Variants in PDK3 observed in about 807,000 individuals in gnomAD.
The protein encoded by PDK3 is pyruvate dehydrogenase kinase 3, also known as pyruvate dehydrogenase kinase, isozyme 3.
PDK3 carries 12 observed loss-of-function variants against 32.0 expected under a neutral mutation model. The observed-to-expected ratio is 0.37, with a 90% CI of 0.24 to 0.61. The LOEUF is 0.61. Ranked by LOEUF, PDK3 falls within the 20% of genes least tolerant of loss-of-function variation. PDK3 has a pLI of 0.65. For synonymous variants in PDK3, 122 were observed against 116.3 expected (o/e 1.05, Z -0.31); for missense variants, 188 against 316.9 (o/e 0.59, Z 3.09).
At chrX:24,538,173 G>T (rs1306481838), downstream of PDK3, among the ~76,000 whole-genome samples, 2 of 112,030 alleles carry the variant, frequency 1.8e-5, no homozygotes, top group East Asian at 2.8e-4. Context: ...TTTAAACTAA[G>T]GTTTAAACTA....
At chrX:24,498,119 T>A (rs1921761528) in intron 2 of PDK3, among the ~76,000 whole-genome samples, 1 of 112,600 alleles carries the variant, frequency 8.9e-6, no homozygotes, top group Non-Finnish European at 1.9e-5. Flanking sequence ...TCACTTCTAG[T>A]TTCTAAGTTC....
chrX:24,539,040 A>T, downstream of PDK3: 1 of 548,667 alleles, frequency 1.8e-6, no homozygotes, highest in African/African-American at 2.3e-5. Context: ...TTTTTGAATT[A>T]TCACTATAAT....
At chrX:24,503,629 T>C (rs1379245982) in intron 4 of PDK3, 118 bp downstream of exon 4, 1 of 514,825 alleles carries the variant, frequency 1.9e-6, no homozygotes, top group African/African-American at 2.4e-5. Flanking sequence ...TCATTTCTAG[T>C]TCGGTTTTTC....
At chrX:24,527,079 C>T (rs192289187) in intron 7 of PDK3, among the ~76,000 whole-genome samples, 59 of 111,575 alleles carry the variant, frequency 5.3e-4, no homozygotes, top group African/African-American at 1.7e-3. Flanking sequence ...TTCTTTTTAA[C>T]CAATATTTCT....
At position 24,540,889 on chromosome X, in the gene PDK3, C is replaced by CTTTTTTTTTTT. The variant is rs369307335; in HGVS notation, c.*1753_*1763dup. 1.4e-4 allele frequency among the ~76,000 whole-genome samples: 5 copies of CTTTTTTTTTTT among 36,680 alleles called. 1 individual carries two copies. Among genetic ancestry groups the CTTTTTTTTTTT allele is most frequent in the Non-Finnish European group, 2.0e-4 (5 of 24,652 alleles). 31.9% of individuals were successfully genotyped at this position (36,680 alleles called of 115,157 possible). On this transcript the variant is annotated 3_prime_UTR_variant, in exon 12 of 12. Transcript: ENST00000568479. ...CTTTACATGCAAAGACCCTAGCTTC[C>CTTTTTTTTTTT]TTTTTTTTTTTTTTTTTTTTTTTTT...
At chrX:24,518,878 C>G (rs1462961037) in intron 5 of PDK3, 55 bp from the exon 6 acceptor site, 2 of 666,671 alleles carry the variant, frequency 3.0e-6, no homozygotes, top group Non-Finnish European at 4.6e-6. Context: ...CACACACACA[C>G]ACGCTTGTGC....
Position 24,494,675 on chromosome X carries a change from G to T in PDK3, c.107-67G>T, listed in dbSNP as rs779586493. On this transcript the variant is annotated intron_variant, in intron 1 of 10. Transcript: ENST00000379162. ...TCCAACCAGTAGTAACCGTGCTACC[G>T]TGGGAGCACTTTATTTCTCCATCTG... is the stretch of plus-strand genomic sequence containing the variant. 6.2e-6 allele frequency: 5 copies of T among 811,044 alleles called. No individual in the cohort carries two copies. In the African/African-American group the frequency reaches 1.0e-4, roughly 17 times the overall value. The allele number at this position is 811,044 out of a possible 1,213,427, so 66.8% of individuals were successfully genotyped here.
intron 6 of PDK3, among the ~76,000 whole-genome samples, chrX:24,522,266 C>G (rs1468082210): frequency 5.4e-5 from 6 of 111,136 alleles, no homozygotes; most frequent in Non-Finnish European, 7.5e-5. Flanking sequence ...AGTCAGCAAA[C>G]ATCTATTAAG....
At position 24,533,066 on chromosome X, in the gene PDK3, G is replaced by A. The variant is rs191598838; in HGVS notation, c.1078-863G>A. Among the ~76,000 whole-genome samples, 87 of 110,125 alleles carry A rather than the reference G, an allele frequency of 7.9e-4. 1 individual carries two copies. The highest frequency in any genetic ancestry group is 2.7e-3 in the African/African-American group (83 of 30,487). ...AGCACAATGCAAATATTCCAAAATC[G>A]GAAAAAATCAGAACTACTTCTGGTC... On this transcript the variant is annotated intron_variant, in intron 10 of 10. Transcript: ENST00000379162.
chrX:24,473,099 GGTGCAGTGGCTCACGCCT>G (rs1184218200), intron 1 of PDK3, among the ~76,000 whole-genome samples: 3 of 109,346 alleles, frequency 2.7e-5, no homozygotes, highest in Non-Finnish European at 5.7e-5. Context: ...TTATTGGCTG[GGTGCAGTGGCTCACGCCT>G]GTAATCCCAG....
intron 5 of PDK3, among the ~76,000 whole-genome samples, chrX:24,510,106 G>C (rs746330707): frequency 1.1e-4 from 12 of 112,005 alleles, no homozygotes; most frequent in African/African-American, 3.9e-4. Flanking sequence ...TTATACCCAG[G>C]TTGCTTCACA....
At chrX:24,509,531 C>T (rs746803565) in intron 5 of PDK3, among the ~76,000 whole-genome samples, 3 of 110,619 alleles carry the variant, frequency 2.7e-5, no homozygotes, top group Admixed American at 9.7e-5. Context: ...CACGCATGGA[C>T]ATGTACACAC....
intron 1 of PDK3, among the ~76,000 whole-genome samples, chrX:24,482,687 T>C (rs1344794170): frequency 8.9e-6 from 1 of 112,410 alleles, no homozygotes; most frequent in African/African-American, 3.2e-5. Flanking sequence ...GATTGATACC[T>C]ACTCCACTTA....
chrX:24,466,739 T>C (rs1940068545), intron 1 of PDK3, among the ~76,000 whole-genome samples: 1 of 111,776 alleles, frequency 8.9e-6, no homozygotes, highest in Non-Finnish European at 1.9e-5. Context: ...AAGTCAAAGT[T>C]CAATGACACG....
chrX:24,517,458 A>G (rs1922284023), intron 5 of PDK3, among the ~76,000 whole-genome samples: 1 of 111,834 alleles, frequency 8.9e-6, no homozygotes, highest in South Asian at 3.7e-4. Context: ...CCTGGCCTCA[A>G]GTGATCAGCC....
rs1211281591 is a variant in PDK3 at position 24,465,487 on chromosome X, C to T, written c.32C>T (p.Pro11Leu). Reference protein sequence around the residue: MRLFRWLLKQPVPKQIERYSR... With the variant: MRLFRWLLKQLVPKQIERYSR... ...CTGTTCCGGTGGCTGCTGAAGCAGC[C>T]GGTGCCCAAGCAGATCGAGCGCTAC... Residue 11 changes from proline to leucine, a missense_variant, in exon 1 of 11, where the codon CCG becomes CTG. Transcript: ENST00000379162. 3 of 1,209,222 alleles carry T rather than the reference C, an allele frequency of 2.5e-6. No homozygotes were observed. Among genetic ancestry groups the T allele is most frequent in the Non-Finnish European group, 3.4e-6 (3 of 893,653 alleles).
At chrX:24,525,164 A>T (rs1157058322) in intron 6 of PDK3, among the ~76,000 whole-genome samples, 1 of 111,279 alleles carries the variant, frequency 9.0e-6, no homozygotes, top group Non-Finnish European at 1.9e-5. Context: ...CTCAAAAAAT[A>T]AATAAATAAA....
chrX:24,534,358 C>A lies in PDK3; in HGVS notation c.*286C>A. 2.6e-6 allele frequency: 1 copy of A among 384,242 alleles called. No individual in the cohort carries two copies. Among genetic ancestry groups the A allele is most frequent in the Non-Finnish European group, 3.7e-6 (1 of 268,375 alleles). The allele number at this position is 384,242 out of a possible 1,213,427, so 31.7% of individuals were successfully genotyped here. A position where few individuals can be genotyped will look rare whatever the true frequency, so the allele number is the denominator to read the frequency against. On this transcript the variant is annotated 3_prime_UTR_variant, in exon 11 of 11. Coordinates refer to ENST00000379162, the MANE Select transcript of PDK3 (RefSeq NM_005391.5). ...AAAAGGAAGGACATTCTGATATGTG[C>A]TGCAACATGGGTGAATCTTGAAGTC...
rs1200894867 is a variant in PDK3, at chrX:24,520,531, G to A, written c.673+1521G>A. Among the ~76,000 whole-genome samples the A allele has an allele frequency of 2.7e-5, 3 of 112,054 alleles. No homozygotes were observed. In the East Asian group the frequency reaches 8.4e-4, roughly 31 times the overall value. On this transcript the variant is annotated intron_variant, in intron 6 of 10. Coordinates refer to ENST00000379162, the MANE Select transcript of PDK3 (RefSeq NM_005391.5). ...TAATGGGGTTACAGATGATTTTTAC[G>A]TTCATCATATGATTACATATTTATT...
Sources: allele counts gnomAD v4.1 joint callset (sites outside exome capture counted in the v4.1 genomes callset), GRCh38; gene constraint gnomAD v4.1.1; transcripts MANE v1.5; gene names NCBI Gene and HGNC (gene_info 2026-07-23, HGNC 2026-07-21).